DOCK9: variants seen among roughly 807,000 people sequenced by gnomAD.
DOCK9 encodes dedicator of cytokinesis protein 9.
Under a neutral mutation model 263.3 loss-of-function variants are expected in DOCK9, and 89 were observed. The ratio of observed to expected loss-of-function variants is 0.34; its 90% CI spans 0.28 to 0.40. The LOEUF (loss-of-function observed/expected upper bound fraction) is 0.40, where lower values mean the gene tolerates loss of function less well. Among genes scored for constraint, DOCK9 ranks in the 10% least tolerant of loss-of-function variants. The probability of loss-of-function intolerance (pLI) is 1.00; values close to 1 mark genes in which losing one functional copy is unlikely to be tolerated. For synonymous variants in DOCK9, 976 were observed against 973.1 expected (o/e 1.00, Z -0.06); for missense variants, 2,140 against 2,603.4 (o/e 0.82, Z 3.87).
Position 98,831,408 on chromosome 13 carries a change from G to C in DOCK9, c.4575C>G (p.Phe1525Leu). Reference sequence around the variant, plus strand: ...TGTAATCAAAGTTGTTCCTCATCAGGAAGTAGAGCAGCTGGGAGGCCTCCG... The same window carrying C: ...TGTAATCAAAGTTGTTCCTCATCAGCAAGTAGAGCAGCTGGGAGGCCTCCG... Reference protein sequence around the residue: ...IRTEASQLLYFLMRNNFDYTG... With the variant: ...IRTEASQLLYLLMRNNFDYTG... The change falls in exon 41 of 53, where the codon TTC (phenylalanine) becomes TTG (leucine). Residue 1525 changes from phenylalanine to leucine, a missense_variant. Around this residue, in one of 2 missense-constraint regions of DOCK9, gnomAD observed 619 missense variants for 861.8 expected, o/e 0.72. Coordinates refer to ENST00000682017, the MANE Select transcript of DOCK9 (RefSeq NM_001366683.2). The C allele has an allele frequency of 6.2e-7, 1 of 1,603,874 alleles. No homozygotes were observed. Among genetic ancestry groups the C allele is most frequent in the South Asian group, 1.1e-5 (1 of 88,584 alleles).
At chr13:99,045,500 G>A (rs1261109115) in intron 1 of DOCK9, among the ~76,000 whole-genome samples, 1 of 152,106 alleles carries the variant, frequency 6.6e-6, no homozygotes, top group African/African-American at 2.4e-5. Context: ...ACCAGGGGCT[G>A]GGGGTGGGGT....
At chr13:98,972,422 G>GTTTTCTATACAAGTGATTTTAGT in intron 1 of DOCK9, among the ~76,000 whole-genome samples, 1 of 151,704 alleles carries the variant, frequency 6.6e-6, no homozygotes, top group South Asian at 2.1e-4. Context: ...AGCGATTTTA[G>GTTTTCTATACAAGTGATTTTAGT]TTTCTATACA....
intron 27 of DOCK9, chr13:98,871,731 A>T (rs2094191663): frequency 1.3e-5 from 2 of 152,284 alleles, no homozygotes; most frequent in Admixed American, 1.3e-4. Context: ...CTGCTGGAGG[A>T]TCTCTTGCCG....
At chr13:98,989,191 T>A (rs193017401) in intron 1 of DOCK9, among the ~76,000 whole-genome samples, 1 of 151,998 alleles carries the variant, frequency 6.6e-6, no homozygotes, top group African/African-American at 2.4e-5. Context: ...GAATATTCCA[T>A]CCCAAAGAAT....
intron 2 of DOCK9, among the ~76,000 whole-genome samples, chr13:98,935,461 T>A (rs1286416066): frequency 6.6e-6 from 1 of 152,160 alleles, no homozygotes; most frequent in South Asian, 2.1e-4. Flanking sequence ...TCAGTGTCTC[T>A]ATCACTATTT....
chr13:98,805,159 G>GT lies in DOCK9; in HGVS notation c.5564dup (p.His1855GlnfsTer7). 6.2e-7 allele frequency: 1 copy of GT among 1,607,586 alleles called. No homozygotes were observed. The highest frequency in any genetic ancestry group is 1.3e-5 in the African/African-American group (1 of 74,988). Reference sequence around the variant, plus strand: ...CTTTTTCGTCAAAGAAGGGGATGACGTGAGTCACCTGGATGTATGCATACT... The same window carrying GT: ...CTTTTTCGTCAAAGAAGGGGATGACGTTGAGTCACCTGGATGTATGCATACT... On this transcript the variant is annotated frameshift_variant, in exon 49 of 53. Coordinates refer to ENST00000682017, the MANE Select transcript of DOCK9 (RefSeq NM_001366683.2). LOFTEE classifies it high-confidence loss of function.
At chr13:98,925,755 A>C in intron 4 of DOCK9, 82 bp downstream of exon 4, 1 of 900,576 alleles carries the variant, frequency 1.1e-6, no homozygotes, top group Non-Finnish European at 1.7e-6. Flanking sequence ...AATTACTCTG[A>C]TTGCATATGA....
chr13:98,955,811 T>G (rs531937834), intron 1 of DOCK9, among the ~76,000 whole-genome samples: 1 of 152,348 alleles, frequency 6.6e-6, no homozygotes, highest in African/African-American at 2.4e-5. Flanking sequence ...TCCAGTCATT[T>G]CTCGGGTCAT....
intron 29 of DOCK9, 70 bp downstream of exon 29, chr13:98,867,857 AG>A: frequency 5.1e-6 from 7 of 1,367,714 alleles, no homozygotes; most frequent in Non-Finnish European, 5.0e-6. Flanking sequence ...AAAAAAAAAA[AG>A]GAAAAAGATA....
chr13:98,890,594 C>G (rs2046472552), intron 15 of DOCK9, among the ~76,000 whole-genome samples: 1 of 152,156 alleles, frequency 6.6e-6, no homozygotes, highest in African/African-American at 2.4e-5. Context: ...AGAACATTGC[C>G]AAAGATCACC....
chr13:98,854,152 C>T (rs140614373), intron 34 of DOCK9, among the ~76,000 whole-genome samples: 1 of 152,148 alleles, frequency 6.6e-6, no homozygotes, highest in Non-Finnish European at 1.5e-5. Context: ...CAGCTTAGCT[C>T]AACACTGCAA....
rs562501381 is a variant in DOCK9 at position 98,900,251 on chromosome 13, T to C, written c.1503+1527A>G. ...GAGGTAAGTTTAGCCTACAGTGATA[T>C]GTGATTTTTACACCAATATGAGCTG... On this transcript the variant is annotated intron_variant, in intron 13 of 52. Transcript: ENST00000682017. Among the ~76,000 whole-genome samples, 3 of 152,282 alleles carry C rather than the reference T, an allele frequency of 2.0e-5. No homozygotes were observed. The South Asian group carries it at 6.2e-4, about 32-fold the overall frequency.
chr13:99,016,980 GT>G (rs2141983856), intron 1 of DOCK9, among the ~76,000 whole-genome samples: 1 of 152,260 alleles, frequency 6.6e-6, no homozygotes, highest in South Asian at 2.1e-4. Context: ...CATAATGTCT[GT>G]TTTCTATGAG....
chr13:98,885,150 T>A (rs2045485361), intron 20 of DOCK9, 58 bp from the exon 21 acceptor site: 2 of 1,591,742 alleles, frequency 1.3e-6, no homozygotes, highest in Admixed American at 3.5e-5. Context: ...TGAAAACTTA[T>A]GAAAGCAAGC....
intron 1 of DOCK9, among the ~76,000 whole-genome samples, chr13:99,008,234 ATTTTT>A (rs398024127): frequency 3.5e-4 from 33 of 94,094 alleles, no homozygotes; most frequent in African/African-American, 9.3e-4. Context: ...ATATATATAT[ATTTTT>A]TTTTTTTTTT....
intron 5 of DOCK9, among the ~76,000 whole-genome samples, chr13:98,922,367 G>A (rs2052188082): frequency 6.6e-6 from 1 of 152,160 alleles, no homozygotes; most frequent in Non-Finnish European, 1.5e-5. Flanking sequence ...TTCCATTAAA[G>A]GCAAAGCTAG....
At chr13:99,078,755 T>C (rs2042011033) in intron 1 of DOCK9, among the ~76,000 whole-genome samples, 1 of 152,198 alleles carries the variant, frequency 6.6e-6, no homozygotes, top group Non-Finnish European at 1.5e-5. Flanking sequence ...GAACTATCTC[T>C]CAGGAGTAAG....
At position 99,008,235 on chromosome 13, in the gene DOCK9, T is replaced by TATATATA. The variant is rs1491213376; in HGVS notation, c.130-52685_130-52684insTATATAT. Among the ~76,000 whole-genome samples, 37 of 58,064 alleles carry TATATATA rather than the reference T, an allele frequency of 6.4e-4. 1 individual carries two copies. Among genetic ancestry groups the TATATATA allele is most frequent in the South Asian group, 4.9e-3 (7 of 1,420 alleles). 38.1% of individuals were successfully genotyped at this position (58,064 alleles called of 152,430 possible). On this transcript the variant is annotated intron_variant, in intron 1 of 32. Coordinates refer to the DOCK9 transcript ENST00000427887. ...CTCTATATATATATATATATATATA[T>TATATATA]TTTTTTTTTTTTTTGAGACGAAGTC... is the stretch of plus-strand genomic sequence containing the variant.
chr13:98,955,347 T>C (rs2057928587), intron 2 of DOCK9, 88 bp downstream of exon 2: 2 of 860,248 alleles, frequency 2.3e-6, no homozygotes, highest in Non-Finnish European at 3.4e-6. Flanking sequence ...AATAATTAAC[T>C]AACCAAACAA....
Sources: allele counts gnomAD v4.1 joint callset (sites outside exome capture counted in the v4.1 genomes callset), GRCh38; gene constraint gnomAD v4.1.1; regional missense constraint gnomAD v4.1.1; transcripts MANE v1.5; gene names NCBI Gene and HGNC (gene_info 2026-07-23, HGNC 2026-07-21).